COPE: variants seen among roughly 807,000 people sequenced by gnomAD.
COPE encodes the protein coatomer subunit epsilon.
In COPE, 19 loss-of-function variants were observed where a neutral mutation model predicts 42.1. That is an observed-to-expected ratio of 0.45 (90% CI 0.31 to 0.66). The LOEUF is 0.66. Among genes scored for constraint, COPE ranks in the 30% least tolerant of loss-of-function variants. The pLI is 0.05. For synonymous variants in COPE, 195 were observed against 181.3 expected, an observed-to-expected ratio of 1.08 and a Z score of -0.60; for missense variants, 402 against 416.1, an observed-to-expected ratio of 0.97 and a Z score of 0.30.
chr19:18,911,008 G>A lies in COPE; in HGVS notation c.253C>T (p.Arg85Cys), dbSNP rs770121303. The part of the protein sequence containing the change: ...PSSAPELQAV[R>C]MFADYLAHES... ...TGGGCGAGGTAGTCAGCAAACATGCGCACGGCCTGGAGCTCAGGGGCCGAG... is the reference window on the plus strand; with the variant it reads ...TGGGCGAGGTAGTCAGCAAACATGCACACGGCCTGGAGCTCAGGGGCCGAG... Residue 85 changes from arginine to cysteine, a missense_variant, in exon 3 of 10, where the codon CGC (arginine) becomes TGC (cysteine). Coordinates refer to ENST00000262812, the MANE Select transcript of COPE (RefSeq NM_007263.4). 44 of 1,613,844 alleles carry A rather than the reference G, an allele frequency of 2.7e-5. No homozygotes were observed. The highest frequency in any genetic ancestry group is 4.5e-5 in the East Asian group (2 of 44,884).
At chr19:18,908,866 T>TA (rs1314084545) in intron 3 of COPE, among the ~76,000 whole-genome samples, 2 of 151,954 alleles carry the variant, frequency 1.3e-5, no homozygotes, top group Non-Finnish European at 2.9e-5. Flanking sequence ...GGCATGGTGA[T>TA]GCGTGCCTGT....
chr19:18,900,092 A>C (rs2056682711), intron 8 of COPE, 145 bp from the exon 9 acceptor site: 5 of 681,776 alleles, frequency 7.3e-6, no homozygotes, highest in Non-Finnish European at 1.2e-5. Context: ...GATCTCGGAG[A>C]ACCTTCAGGG....
Position 18,899,938 on chromosome 19 carries a change from G to A in COPE, c.814C>T (p.Arg272Ter), listed in dbSNP as rs1430630918. 6 of 1,613,122 alleles carry A rather than the reference G, an allele frequency of 3.7e-6. No individual in the cohort carries two copies. The highest frequency in any genetic ancestry group is 5.1e-6 in the Non-Finnish European group (6 of 1,179,648). ...GCATCCTTCAGCTGGGACAGGTATC[G>A]GTTTGTCACCTGCAGGGGAGGCAGG... Reference protein sequence around the residue: ...HLGKPPEVTNRYLSQLKDAHR... With the variant: ...HLGKPPEVTN The change falls in exon 9 of 10, where the codon CGA becomes TGA. Residue 272 changes from arginine to a stop codon, truncating the protein, a stop_gained. Coordinates refer to ENST00000262812, the MANE Select transcript of COPE (RefSeq NM_007263.4). LOFTEE classifies it high-confidence loss of function.
chr19:18,904,688 G>A, intron 6 of COPE, 83 bp downstream of exon 6: 1 of 1,235,232 alleles, frequency 8.1e-7, no homozygotes, highest in Non-Finnish European at 1.1e-6. Flanking sequence ...GTGGCCAGCA[G>A]CCTACGCACA....
intron 7 of COPE, among the ~76,000 whole-genome samples, chr19:18,900,784 A>G (rs1186951533): frequency 6.6e-6 from 1 of 152,182 alleles, no homozygotes; most frequent in Non-Finnish European, 1.5e-5. Context: ...ACGAACCCCG[A>G]GGCCATGGGC....
rs780214010 is a variant in COPE at position 18,903,467 on chromosome 19, G to T, written c.580-44C>A. 3 of 1,555,524 alleles carry T rather than the reference G, an allele frequency of 1.9e-6. No homozygotes were observed. In the South Asian group the frequency reaches 3.6e-5, roughly 19 times the overall value. Reference sequence around the variant, plus strand: ...ATCATTGCCTGTGCCCCTGCTGCCCGGCCCTTCCCCCGCCAGCCCCCTCCC... The same window carrying T: ...ATCATTGCCTGTGCCCCTGCTGCCCTGCCCTTCCCCCGCCAGCCCCCTCCC... On this transcript the variant is annotated intron_variant, in intron 6 of 9. Coordinates refer to ENST00000262812, the MANE Select transcript of COPE (RefSeq NM_007263.4).
At chr19:18,906,097 G>A (rs1444999981) in intron 4 of COPE, 1 of 399,872 alleles carries the variant, frequency 2.5e-6, no homozygotes, top group African/African-American at 2.1e-5. Context: ...AATTACTCGT[G>A]AGGCCTCTTG....
intron 7 of COPE, 145 bp from the exon 8 acceptor site, chr19:18,900,594 G>A: frequency 1.6e-6 from 1 of 614,406 alleles, no homozygotes; most frequent in Non-Finnish European, 2.9e-6. Context: ...TCTGCAAGGT[G>A]GAGATCTCAG....
intron 1 of COPE, among the ~76,000 whole-genome samples, chr19:18,918,198 AAAAAAG>A (rs1366874165): frequency 4.1e-5 from 6 of 148,132 alleles, no homozygotes; most frequent in African/African-American, 1.3e-4. Context: ...AAAAAAAAAA[AAAAAAG>A]AAAAGAAAAG....
chr19:18,912,580 A>C (rs945337990), intron 2 of COPE, among the ~76,000 whole-genome samples: 3 of 152,074 alleles, frequency 2.0e-5, no homozygotes, highest in African/African-American at 7.2e-5. Flanking sequence ...AATGTGGTGA[A>C]ACCACGTGTT....
Position 18,912,994 on chromosome 19 carries a change from T to C in COPE, c.179A>G (p.Tyr60Cys). The C allele has an allele frequency of 6.2e-7, 1 of 1,611,946 alleles. No homozygotes were observed. The highest frequency in any genetic ancestry group is 8.5e-7 in the Non-Finnish European group (1 of 1,179,908). The change falls in exon 2 of 10, where the codon TAC becomes TGC. Residue 60 changes from tyrosine (Y) to cysteine (C), a missense_variant. Transcript: ENST00000262812. ...VERDVFLYRAYLAQRKFGVVL... is the reference protein window; with the variant it reads ...VERDVFLYRACLAQRKFGVVL... ...AAGGCCCGCACTCACCTGCGCCAGG[T>C]ACGCTCTATACAGGAAGACGTCCCT...
chr19:18,913,061 G>A lies in COPE; in HGVS notation c.127-15C>T, dbSNP rs749130175. 1.2e-5 allele frequency: 19 copies of A among 1,608,444 alleles called. No homozygotes were observed. The South Asian group carries it at 1.9e-4, about 16-fold the overall frequency. On this transcript the variant is annotated splice_polypyrimidine_tract_variant and intron_variant, in intron 1 of 9. Coordinates refer to ENST00000262812, the MANE Select transcript of COPE (RefSeq NM_007263.4). Reference sequence around the variant, plus strand: ...GGGCTTGATAGCTGTGGGAACCAATGTGAGTCAGGACGCACAGTGGGAGGC... The same window carrying A: ...GGGCTTGATAGCTGTGGGAACCAATATGAGTCAGGACGCACAGTGGGAGGC...
chr19:18,906,216 G>A (rs2056757978), intron 4 of COPE: 2 of 336,226 alleles, frequency 5.9e-6, no homozygotes, highest in African/African-American at 2.1e-5. Flanking sequence ...GTGAGTCAGG[G>A]TCTGGCTCTG....
At chr19:18,906,895 G>A (rs1197024233) in intron 4 of COPE, 65 bp downstream of exon 4, 25 of 1,494,886 alleles carry the variant, frequency 1.7e-5, no homozygotes, top group Non-Finnish European at 2.2e-5. Context: ...GCCGTGCGCA[G>A]CCTGGAGATG....
intron 2 of COPE, 143 bp downstream of exon 2, chr19:18,912,841 C>T: frequency 1.4e-6 from 1 of 711,394 alleles, no homozygotes. Flanking sequence ...GCTGCGCTGG[C>T]TGTTCACAGT....
chr19:18,903,423 C>G lies in COPE; in HGVS notation c.580G>C (p.Gly194Arg). 1 of 1,605,508 alleles carries G rather than the reference C, an allele frequency of 6.2e-7. No homozygotes were observed. The change falls in exon 7 of 10, where the codon GGT (glycine) becomes CGT (arginine). Residue 194 changes from glycine to arginine, a missense_variant and splice_region_variant. Transcript: ENST00000262812. ...TAGGCATCCTGCAGCTTCTCACCACCCTGCAGGGAGGGTCCCGCATCATTG... is the reference window on the plus strand; with the variant it reads ...TAGGCATCCTGCAGCTTCTCACCACGCTGCAGGGAGGGTCCCGCATCATTG... ...LATAWVSLAT[G>R]GEKLQDAYYI...
chr19:18,903,277 C>A lies in COPE; in HGVS notation c.726G>T (p.Ala242=). The change falls in exon 7 of 10, where the codon GCG becomes GCT. Residue 242 remains alanine, a synonymous_variant. Transcript: ENST00000262812. ...ACAGGCTTGTGCCTACCTTGTCTAG[C>A]GCCTCCTGCAGCAGGCCCTCAGCGG... ...WEAAEGLLQE[A]LDKDSGYPET... is the part of the protein sequence containing the mutation. The A allele has an allele frequency of 6.3e-7, 1 of 1,592,424 alleles. No homozygotes were observed. The highest frequency in any genetic ancestry group is 1.8e-5 in the Admixed American group (1 of 56,900).
In COPE at chr19:18,907,024, A is replaced by T; in HGVS notation, c.379T>A (p.Tyr127Asn). Reference sequence around the variant, plus strand: ...GCATCCGGGTTCTGGTCGTGGAGATAGATGGAGGCGGCCATGAGCAGGAAG... The same window carrying T: ...GCATCCGGGTTCTGGTCGTGGAGATTGATGGAGGCGGCCATGAGCAGGAAG... ...TTFLLMAASI[Y>N]LHDQNPDAAL... Residue 127 changes from tyrosine to asparagine, a missense_variant, in exon 4 of 10, where the codon TAT (tyrosine) becomes AAT (asparagine). Coordinates refer to ENST00000262812, the MANE Select transcript of COPE (RefSeq NM_007263.4). 2 of 1,599,272 alleles carry T rather than the reference A, an allele frequency of 1.3e-6. No individual in the cohort carries two copies. The highest frequency in any genetic ancestry group is 1.7e-6 in the Non-Finnish European group (2 of 1,173,412).
At chr19:18,910,730 C>A (rs533924138) in intron 3 of COPE, 8 of 572,476 alleles carry the variant, frequency 1.4e-5, no homozygotes, top group Non-Finnish European at 3.1e-6. Flanking sequence ...TCCATGAGGG[C>A]GTGTGCACAC....
Sources: gnomAD v4.1 joint callset for allele counts (sites outside exome capture counted in the v4.1 genomes callset) on GRCh38, gnomAD v4.1.1 for gene constraint, MANE v1.5 for transcripts, NCBI Gene and HGNC (gene_info 2026-07-23, HGNC 2026-07-21) for gene names.